Variants in NBEA observed in about 807,000 individuals in gnomAD.
The protein encoded by NBEA is neurobeachin.
In NBEA, 44 loss-of-function variants were observed where a neutral mutation model predicts 343.4. The ratio of observed to expected loss-of-function variants is 0.13; its 90% confidence interval spans 0.10 to 0.16. NBEA has a LOEUF of 0.16. Ranked by LOEUF, NBEA falls within the 10% of genes least tolerant of loss-of-function variation. The pLI, the probability that NBEA is intolerant of heterozygous loss-of-function variation, is 1.00. For missense variants in NBEA, 2,555 were observed against 3,631.3 expected, an observed-to-expected ratio of 0.70 and a Z score of 7.62; for synonymous variants, 1,175 against 1,238.7, an observed-to-expected ratio of 0.95 and a Z score of 1.08.
chr13:35,197,332 TAGAA>T (rs2072689531), intron 31 of NBEA, among the ~76,000 whole-genome samples: 1 of 152,160 alleles, frequency 6.6e-6, no homozygotes, highest in Non-Finnish European at 1.5e-5. Flanking sequence ...TTTTTTGTTT[TAGAA>T]AGACAAGATC....
At chr13:35,250,843 C>T (rs896316573) in intron 34 of NBEA, among the ~76,000 whole-genome samples, 1 of 152,122 alleles carries the variant, frequency 6.6e-6, no homozygotes, top group Non-Finnish European at 1.5e-5. Context: ...ATGATATTTA[C>T]CATAAAAGCT....
At position 35,238,857 on chromosome 13, in the gene NBEA, A is replaced by G. The variant is rs76398139; in HGVS notation, c.5776+6238A>G. Among the ~76,000 whole-genome samples the G allele has an allele frequency of 6.4e-3, 977 of 152,286 alleles. 10 individuals are homozygous for G. The highest frequency in any genetic ancestry group is 0.023 in the African/African-American group (937 of 41,566). ...TCCACGACTAGCATTTTTTAAAAGT[A>G]TATAAATATAGCATGAAATTTCTAC... On this transcript the variant is annotated intron_variant, in intron 34 of 58. Coordinates refer to ENST00000379939, the MANE Select transcript of NBEA (RefSeq NM_001385012.1).
intron 27 of NBEA, among the ~76,000 whole-genome samples, chr13:35,174,452 T>C (rs2070720346): frequency 6.6e-6 from 1 of 152,152 alleles, no homozygotes; most frequent in East Asian, 1.9e-4. Context: ...ACAGTAACTT[T>C]TTGCTCAATA....
intron 34 of NBEA, among the ~76,000 whole-genome samples, chr13:35,267,870 G>A (rs538596883): frequency 2.5e-4 from 38 of 151,782 alleles, no homozygotes; most frequent in African/African-American, 8.9e-4. Context: ...ACAAATGTTG[G>A]TAAGGTTGTG....
intron 58 of NBEA, 62 bp downstream of exon 58, chr13:35,668,581 T>C (rs1039202924): frequency 1.4e-6 from 2 of 1,451,168 alleles, no homozygotes; most frequent in Non-Finnish European, 1.8e-6. Context: ...CTCTTCATTC[T>C]ACCAAGGGTG....
At chr13:35,208,884 C>T (rs2073578102) in intron 32 of NBEA, 30 bp downstream of exon 32, 2 of 1,424,858 alleles carry the variant, frequency 1.4e-6, no homozygotes, top group Middle Eastern at 1.8e-4. Flanking sequence ...TTGTGATACT[C>T]ATCTTTTTAT....
At chr13:35,033,737 C>A (rs984354279) in intron 1 of NBEA, among the ~76,000 whole-genome samples, 8 of 151,512 alleles carry the variant, frequency 5.3e-5, no homozygotes, top group African/African-American at 1.9e-4. Flanking sequence ...AGTACATTAA[C>A]TCCTAGGTAT....
intron 44 of NBEA, 131 bp from the exon 45 acceptor site, chr13:35,566,774 A>G (rs1277425251): frequency 5.5e-6 from 3 of 543,256 alleles, no homozygotes; most frequent in Non-Finnish European, 9.9e-6. Flanking sequence ...CATTGTTATC[A>G]GAGTTAAAGA....
intron 38 of NBEA, among the ~76,000 whole-genome samples, chr13:35,429,600 C>T (rs1292949090): frequency 6.6e-6 from 1 of 152,106 alleles, no homozygotes; most frequent in Non-Finnish European, 1.5e-5. Context: ...TGCCTTTTCT[C>T]ACCTTTCAGA....
intron 8 of NBEA, 29 bp downstream of exon 8, chr13:35,058,892 T>A (rs564013806): frequency 2.0e-6 from 3 of 1,538,380 alleles, no homozygotes; most frequent in Non-Finnish European, 2.6e-6. Context: ...TTATAAATTC[T>A]ATGGAGAGTT....
intron 41 of NBEA, among the ~76,000 whole-genome samples, chr13:35,484,613 AT>A (rs963115122): frequency 2.6e-5 from 4 of 151,946 alleles, no homozygotes; most frequent in African/African-American, 9.7e-5. Context: ...TCTTTATTTC[AT>A]TTGCTGTTTT....
At chr13:35,092,733 C>T (rs1208676789) in intron 10 of NBEA, among the ~76,000 whole-genome samples, 4 of 151,930 alleles carry the variant, frequency 2.6e-5, no homozygotes, top group Non-Finnish European at 5.9e-5. Context: ...CAACTAGAAC[C>T]TGTTACTGGT....
intron 34 of NBEA, among the ~76,000 whole-genome samples, chr13:35,278,732 C>T (rs191868478): frequency 1.3e-5 from 2 of 152,270 alleles, no homozygotes; most frequent in Admixed American, 1.3e-4. Flanking sequence ...ACCTGGGATA[C>T]TCAAGACAGA....
intron 41 of NBEA, among the ~76,000 whole-genome samples, chr13:35,492,060 G>T (rs993739745): frequency 1.3e-5 from 2 of 151,960 alleles, no homozygotes; most frequent in Non-Finnish European, 2.9e-5. Context: ...AGAAAAGTAG[G>T]ATTGAAGACT....
intron 49 of NBEA, among the ~76,000 whole-genome samples, chr13:35,636,787 C>T (rs765330846): frequency 2.6e-5 from 4 of 152,206 alleles, no homozygotes; most frequent in Non-Finnish European, 5.9e-5. Flanking sequence ...TAATGATTAA[C>T]CCCAAAGTGG....
chr13:35,565,899 A>G (rs979328153), intron 44 of NBEA, among the ~76,000 whole-genome samples: 2 of 152,168 alleles, frequency 1.3e-5, no homozygotes, highest in African/African-American at 4.8e-5. Context: ...TATTTCATGA[A>G]CTTAAGGAGT....
At position 35,269,299 on chromosome 13, in the gene NBEA, A is replaced by G. The variant is rs558430600; in HGVS notation, c.5777-21090A>G. ...TACCTAGTCATAATAAAATCTCAGA[A>G]AAATAGGACCTGAAGTGAAAAAAAG... On this transcript the variant is annotated intron_variant, in intron 34 of 58. Transcript: ENST00000379939. Among the ~76,000 whole-genome samples the G allele has an allele frequency of 1.2e-4, 19 of 152,304 alleles. 1 individual carries two copies. Among genetic ancestry groups the G allele is most frequent in the Admixed American group, 7.2e-4 (11 of 15,296 alleles).
intron 28 of NBEA, among the ~76,000 whole-genome samples, chr13:35,177,550 G>A (rs958237629): frequency 6.6e-6 from 1 of 151,640 alleles, no homozygotes; most frequent in Non-Finnish European, 1.5e-5. Context: ...AAAAAATACA[G>A]GTATCTATGG....
intron 35 of NBEA, among the ~76,000 whole-genome samples, chr13:35,299,552 T>C (rs774812213): frequency 3.9e-5 from 6 of 152,208 alleles, no homozygotes; most frequent in African/African-American, 9.6e-5. Context: ...GAAAAAGTCC[T>C]TCATCTTGAG....
Sources: allele counts gnomAD v4.1 joint callset (sites outside exome capture counted in the v4.1 genomes callset), GRCh38; gene constraint gnomAD v4.1.1; transcripts MANE v1.5; gene names NCBI Gene and HGNC (gene_info 2026-07-23, HGNC 2026-07-21).